PRR33: variants seen among roughly 807,000 people sequenced by gnomAD.
PRR33 encodes the protein proline-rich protein 33.
Under a neutral mutation model 0.5 loss-of-function variants are expected in PRR33, and 1 was observed. The observed-to-expected ratio is 2.18, with a 90% confidence interval of 0.77 to 10.34. The LOEUF (loss-of-function observed/expected upper bound fraction) is 10.34. Ranked by LOEUF, PRR33 falls within the 30% of genes most tolerant of loss-of-function variation. The probability of loss-of-function intolerance (pLI) is 0.13; values close to 1 mark genes in which losing one functional copy is unlikely to be tolerated. For missense variants in PRR33, 552 were observed against 251.8 expected, an observed-to-expected ratio of 2.19 and a Z score of -8.07; for synonymous variants, 226 against 110.0, an observed-to-expected ratio of 2.06 and a Z score of -6.60.
rs751845826 is a variant in PRR33 at position 1,889,835 on chromosome 11, C to T, written c.750G>A (p.Pro250=). ...GCACTGAGGCCTGGAAGCCGGGTGG[C>T]GGCCGTGGTACAGGGGGCTCCTCAG... Residue 250 remains proline (P), a synonymous_variant, in exon 1 of 1, where the codon CCG becomes CCA. Transcript: ENST00000640310. The T allele has an allele frequency of 2.8e-5, 18 of 633,926 alleles. 1 individual carries two copies. Among genetic ancestry groups the T allele is most frequent in the Middle Eastern group, 5.0e-4 (2 of 4,000 alleles). The allele number at this position is 633,926 out of a possible 1,614,324, so 39.3% of individuals were successfully genotyped here.
the PRR33 span, among the ~76,000 whole-genome samples, chr11:1,916,113 G>A: frequency 1.3e-5 from 2 of 152,034 alleles, no homozygotes; most frequent in South Asian, 2.1e-4. Context: ...GAATAGATGG[G>A]TGGATGAATG....
At chr11:1,895,865 G>A (rs1019507483), upstream of PRR33, among the ~76,000 whole-genome samples, 1 of 152,282 alleles carries the variant, frequency 6.6e-6, no homozygotes, top group Middle Eastern at 3.4e-3. Context: ...AGTCTGAACT[G>A]TGCATGGTGG....
At chr11:1,890,366 G>C (rs977446098) in exon 1 of PRR33, 2 of 716,452 alleles carry the variant, frequency 2.8e-6, no homozygotes, top group African/African-American at 3.5e-5. Flanking sequence ...CCTGGTCATG[G>C]CTGGCCTCAC....
exon 1 of PRR33, chr11:1,890,462 G>A (rs755764156): frequency 3.1e-4 from 222 of 717,212 alleles, no homozygotes; most frequent in Middle Eastern, 1.1e-3. Context: ...CCTTCCTCAG[G>A]AGCTTCTGCA....
chr11:1,913,299 T>TG, the PRR33 span, among the ~76,000 whole-genome samples: 4 of 72,846 alleles, frequency 5.5e-5, no homozygotes, highest in African/African-American at 1.8e-4. Flanking sequence ...GCTAACTTTT[T>TG]TGTTTTTTTT....
the PRR33 span, among the ~76,000 whole-genome samples, chr11:1,910,801 C>T: frequency 6.6e-6 from 1 of 152,216 alleles, no homozygotes; most frequent in African/African-American, 2.4e-5. Context: ...ATATTTTGTT[C>T]ATCCACTTTG....
chr11:1,896,877 G>GA (rs1421776314), upstream of PRR33, among the ~76,000 whole-genome samples: 1 of 152,148 alleles, frequency 6.6e-6, no homozygotes, highest in Non-Finnish European at 1.5e-5. Flanking sequence ...TGCTTTTTCT[G>GA]TACTGTTAAA....
At chr11:1,905,122 CTTTTT>C in the PRR33 span, among the ~76,000 whole-genome samples, 8 of 96,568 alleles carry the variant, frequency 8.3e-5, no homozygotes, top group Admixed American at 4.0e-4. Context: ...CTTGAGAATT[CTTTTT>C]TTTTTTTTTT....
the PRR33 span, among the ~76,000 whole-genome samples, chr11:1,911,699 G>A: frequency 1.3e-5 from 2 of 151,836 alleles, no homozygotes; most frequent in Admixed American, 1.3e-4. Context: ...GGGATTACAG[G>A]CGTGAGTCAC....
upstream of PRR33, among the ~76,000 whole-genome samples, chr11:1,895,096 G>A (rs1049738452): frequency 9.2e-5 from 14 of 151,972 alleles, no homozygotes; most frequent in Non-Finnish European, 1.8e-4. Flanking sequence ...GTAAAATTGG[G>A]TTATTTGTTT....
At chr11:1,892,619 G>A, upstream of PRR33, among the ~76,000 whole-genome samples, 1 of 152,280 alleles carries the variant, frequency 6.6e-6, no homozygotes, top group South Asian at 2.1e-4. Flanking sequence ...CTCAGTGAAG[G>A]TTTGGAAAAC....
chr11:1,898,449 A>T, the PRR33 span, among the ~76,000 whole-genome samples: 1 of 151,950 alleles, frequency 6.6e-6, no homozygotes, highest in Non-Finnish European at 1.5e-5. Context: ...GTTGGCCAGG[A>T]TGGTCTTGAT....
upstream of PRR33, among the ~76,000 whole-genome samples, chr11:1,895,763 G>C (rs1849117533): frequency 6.6e-6 from 1 of 152,174 alleles, no homozygotes. Context: ...TGCATATGGA[G>C]ATCCAGTTGT....
chr11:1,900,342 A>C, the PRR33 span, among the ~76,000 whole-genome samples: 1 of 152,230 alleles, frequency 6.6e-6, no homozygotes, highest in African/African-American at 2.4e-5. Flanking sequence ...ATTTAGCATG[A>C]AAAGCTGGCA....
the PRR33 span, among the ~76,000 whole-genome samples, chr11:1,910,867 T>C: frequency 6.6e-6 from 1 of 152,262 alleles, no homozygotes; most frequent in Non-Finnish European, 1.5e-5. Context: ...GGTTCTCTTC[T>C]CTGCCAGCTG....
chr11:1,897,047 G>A, the PRR33 span, among the ~76,000 whole-genome samples: 247 of 152,294 alleles, frequency 1.6e-3, 1 homozygote, highest in African/African-American at 4.1e-3. The surrounding 1 kb of genome is among the most constrained non-coding windows in gnomAD (Gnocchi z 4.0). Flanking sequence ...CACAGAAAAC[G>A]GAAGCAAAGC....
At chr11:1,901,679 G>A in the PRR33 span, among the ~76,000 whole-genome samples, 1 of 152,144 alleles carries the variant, frequency 6.6e-6, no homozygotes, top group East Asian at 1.9e-4. Flanking sequence ...GAGACTTTCA[G>A]CTTAAATACT....
chr11:1,908,717 C>T, the PRR33 span, among the ~76,000 whole-genome samples: 1 of 152,168 alleles, frequency 6.6e-6, no homozygotes, highest in Non-Finnish European at 1.5e-5. Flanking sequence ...TCTGGGGGCT[C>T]CTAGGAATGT....
chr11:1,913,611 T>C, the PRR33 span, among the ~76,000 whole-genome samples: 1 of 152,230 alleles, frequency 6.6e-6, no homozygotes, highest in African/African-American at 2.4e-5. Flanking sequence ...GTGTTTTTAC[T>C]TTCTAACCCT....
Sources: allele counts gnomAD v4.1 joint callset (sites outside exome capture counted in the v4.1 genomes callset), GRCh38; gene constraint gnomAD v4.1.1; non-coding constraint Gnocchi (gnomAD v3.1); transcripts MANE v1.5; gene names NCBI Gene and HGNC (gene_info 2026-07-23, HGNC 2026-07-21).